The following TENM2 variants were observed in gnomAD, a reference collection of about 807,000 sequenced individuals.
TENM2 encodes the protein teneurin transmembrane protein 2, also known as teneurin-2.
TENM2 carries 52 observed loss-of-function variants against 245.2 expected under a neutral mutation model. The ratio of observed to expected loss-of-function variants is 0.21; its 90% CI spans 0.17 to 0.27. TENM2 has a LOEUF of 0.27. Ranked by LOEUF, TENM2 falls within the 10% of genes least tolerant of loss-of-function variation. The pLI is 1.00. For missense variants in TENM2, 3,046 were observed against 3,666.8 expected (o/e 0.83, Z 4.37); for synonymous variants, 1,363 against 1,438.9 (o/e 0.95, Z 1.19).
At chr5:167,377,697 TTCTCTC>T (rs796499266) in intron 2 of TENM2, among the ~76,000 whole-genome samples, 11 of 152,308 alleles carry the variant, frequency 7.2e-5, no homozygotes, top group African/African-American at 2.6e-4. Context: ...TTCTTGCTCT[TTCTCTC>T]TGACAAATTC....
At chr5:167,986,508 T>G (rs547804965) in intron 4 of TENM2, among the ~76,000 whole-genome samples, 1 of 152,152 alleles carries the variant, frequency 6.6e-6, no homozygotes, top group African/African-American at 2.4e-5. Context: ...CTCTTTTATT[T>G]TTTGTAAGAC....
chr5:167,389,057 C>T (rs71603830), intron 2 of TENM2, among the ~76,000 whole-genome samples: 24,837 of 151,786 alleles, frequency 0.16, 2,196 homozygotes, highest in Non-Finnish European at 0.2. Flanking sequence ...AAACAGAATC[C>T]TAATGCTACC....
At chr5:167,622,037 T>C (rs1443835510) in intron 2 of TENM2, among the ~76,000 whole-genome samples, 1 of 152,222 alleles carries the variant, frequency 6.6e-6, no homozygotes, top group African/African-American at 2.4e-5. Context: ...GACAGCTGCA[T>C]GTGTTTACAC....
chr5:168,103,331 A>G (rs1250917432), intron 9 of TENM2, among the ~76,000 whole-genome samples: 1 of 152,176 alleles, frequency 6.6e-6, no homozygotes, highest in Non-Finnish European at 1.5e-5. Context: ...CCGTAACTCA[A>G]AGATCAAAAC....
chr5:166,984,433 A>G, the TENM2 span, among the ~76,000 whole-genome samples: 2 of 152,116 alleles, frequency 1.3e-5, no homozygotes, highest in Non-Finnish European at 2.9e-5. Context: ...CTGATACTCA[A>G]TATTTTGACA....
intron 7 of TENM2, among the ~76,000 whole-genome samples, chr5:168,086,408 A>C (rs1350389473): frequency 6.6e-6 from 1 of 152,202 alleles, no homozygotes; most frequent in Non-Finnish European, 1.5e-5. Context: ...ACTTTGGGGT[A>C]TGACTGATGA....
chr5:167,933,270 A>T (rs924261964), intron 3 of TENM2, among the ~76,000 whole-genome samples: 3 of 152,222 alleles, frequency 2.0e-5, no homozygotes, highest in African/African-American at 7.2e-5. Flanking sequence ...TTAACACATG[A>T]CTTTTAAAAA....
At chr5:167,323,853 T>C (rs1023275146) in intron 1 of TENM2, among the ~76,000 whole-genome samples, 5 of 152,160 alleles carry the variant, frequency 3.3e-5, no homozygotes, top group Non-Finnish European at 7.3e-5. Context: ...ACCTGTGAAC[T>C]TCAGAGAAAT....
intron 2 of TENM2, among the ~76,000 whole-genome samples, chr5:167,538,198 A>G (rs190829413): frequency 1.3e-5 from 2 of 152,364 alleles, no homozygotes; most frequent in African/African-American, 2.4e-5. Context: ...ACTGACTCTC[A>G]TAAATAAATG....
the TENM2 span, among the ~76,000 whole-genome samples, chr5:167,177,822 T>C: frequency 1.3e-5 from 2 of 152,216 alleles, no homozygotes; most frequent in African/African-American, 2.4e-5. Flanking sequence ...TTTGCCTGAA[T>C]AGCGAAGTGA....
At chr5:167,773,270 A>G (rs995359424) in intron 2 of TENM2, among the ~76,000 whole-genome samples, 1 of 152,232 alleles carries the variant, frequency 6.6e-6, no homozygotes, top group Non-Finnish European at 1.5e-5. Flanking sequence ...CAAGACTTCA[A>G]AGAAAAACAG....
At chr5:167,711,468 A>G (rs541594343) in intron 2 of TENM2, among the ~76,000 whole-genome samples, 1 of 152,176 alleles carries the variant, frequency 6.6e-6, no homozygotes, top group African/African-American at 2.4e-5. Flanking sequence ...CAATCTTCCC[A>G]TCCTTTTCGG....
intron 2 of TENM2, among the ~76,000 whole-genome samples, chr5:167,455,527 A>AT (rs1208865798): frequency 2.0e-5 from 2 of 100,270 alleles, no homozygotes; most frequent in East Asian, 3.0e-4. Flanking sequence ...CTTCTTTTTT[A>AT]TTTTTTTTCC....
intron 2 of TENM2, among the ~76,000 whole-genome samples, chr5:167,785,664 T>G (rs1764527753): frequency 6.6e-6 from 1 of 152,216 alleles, no homozygotes; most frequent in African/African-American, 2.4e-5. Context: ...AGCCTGTAGT[T>G]TGTCCCTCTT....
intron 1 of TENM2, among the ~76,000 whole-genome samples, chr5:167,342,652 C>A (rs1216807995): frequency 6.6e-6 from 1 of 151,170 alleles, no homozygotes; most frequent in Non-Finnish European, 1.5e-5. Flanking sequence ...CTCAGCCTCC[C>A]CAGTAGCTGG....
intron 2 of TENM2, among the ~76,000 whole-genome samples, chr5:167,756,857 G>A (rs74982774): frequency 2.1e-4 from 31 of 148,126 alleles, no homozygotes; most frequent in Middle Eastern, 3.4e-3. Context: ...AACCAAGGCC[G>A]TATTGCCAAA....
chr5:167,508,380 A>G lies in TENM2; in HGVS notation c.502+132907A>G, dbSNP rs79775669. On this transcript the variant is annotated intron_variant, in intron 2 of 28. Coordinates refer to ENST00000518659, the Ensembl canonical transcript of TENM2. ...TTTAATTATCTATGTAAATTTAACT[A>G]TGCGCCACAGTCCTGTGATTGAAAC... Among the ~76,000 whole-genome samples the G allele has an allele frequency of 5.8e-3, 888 of 152,326 alleles. 14 individuals are homozygous for G. The highest frequency in any genetic ancestry group is 0.02 in the African/African-American group (846 of 41,578).
chr5:167,249,581 G>A, the TENM2 span, among the ~76,000 whole-genome samples: 8 of 152,056 alleles, frequency 5.3e-5, no homozygotes, highest in African/African-American at 1.2e-4. Flanking sequence ...GGGATGGTAC[G>A]TTCATTTATT....
chr5:167,383,229 G>A (rs1166642801), intron 2 of TENM2, among the ~76,000 whole-genome samples: 2 of 152,070 alleles, frequency 1.3e-5, no homozygotes, highest in African/African-American at 4.8e-5. Flanking sequence ...GGCCATATAC[G>A]AAAATGCCAA....
Sources: allele counts gnomAD v4.1 joint callset (sites outside exome capture counted in the v4.1 genomes callset), GRCh38; gene constraint gnomAD v4.1.1; transcripts MANE v1.5; gene names NCBI Gene and HGNC (gene_info 2026-07-23, HGNC 2026-07-21).